Variants in COL4A3 observed in about 807,000 individuals in gnomAD.
COL4A3 encodes collagen type IV alpha 3 chain, also known as collagen alpha-3(IV) chain.
Under a neutral mutation model 217.4 loss-of-function variants are expected in COL4A3, and 135 were observed. The observed-to-expected ratio is 0.62, with a 90% CI of 0.54 to 0.72. The LOEUF is 0.72. Ranked by LOEUF, COL4A3 falls within the 30% of genes least tolerant of loss-of-function variation. The pLI is 0.00. For synonymous variants in COL4A3, 690 were observed against 736.3 expected, an observed-to-expected ratio of 0.94 and a Z score of 1.02; for missense variants, 1,868 against 2,119.9, an observed-to-expected ratio of 0.88 and a Z score of 2.33.
Position 227,307,929 on chromosome 2 carries a change from C to T in COL4A3, c.4462+10C>T. ...CACGGACAAGACCTTGGTAATGTCC[C>T]AGTCCCAGTTGCCAGTTGTGCTGTT... is the stretch of plus-strand genomic sequence containing the variant. On this transcript the variant is annotated intron_variant, in intron 48 of 51. Coordinates refer to ENST00000396578, the MANE Select transcript of COL4A3 (RefSeq NM_000091.5). 1 of 1,611,590 alleles carries T rather than the reference C, an allele frequency of 6.2e-7. No individual in the cohort carries two copies. Among genetic ancestry groups the T allele is most frequent in the Non-Finnish European group, 8.5e-7 (1 of 1,178,018 alleles).
At chr2:227,195,440 G>A (rs1021084607) in intron 1 of COL4A3, among the ~76,000 whole-genome samples, 1 of 152,078 alleles carries the variant, frequency 6.6e-6, no homozygotes, top group Non-Finnish European at 1.5e-5. Context: ...AACTCCTATA[G>A]ACTAGTGATG....
Position 227,264,069 on chromosome 2 carries a change from C to T in COL4A3, c.1315+125C>T, listed in dbSNP as rs2070749934. 2.9e-6 allele frequency: 3 copies of T among 1,038,784 alleles called. 1 individual carries two copies. The Middle Eastern group carries it at 7.6e-4, about 265-fold the overall frequency. The allele number at this position is 1,038,784 out of a possible 1,614,324, so 64.3% of individuals were successfully genotyped here. On this transcript the variant is annotated intron_variant, in intron 21 of 51. Coordinates refer to ENST00000396578, the MANE Select transcript of COL4A3 (RefSeq NM_000091.5). ...TGTGTGGTTTTTATGAGTTACCTTT[C>T]CAATGGTCTTCATTTCACTAACTGT...
chr2:227,209,778 G>A (rs747228423), intron 1 of COL4A3, among the ~76,000 whole-genome samples: 10 of 152,184 alleles, frequency 6.6e-5, no homozygotes, highest in African/African-American at 9.7e-5. Flanking sequence ...GGAGGCGGAG[G>A]TTGCAGTGAG....
intron 1 of COL4A3, among the ~76,000 whole-genome samples, chr2:227,174,742 A>G (rs930731495): frequency 2.0e-5 from 3 of 152,128 alleles, no homozygotes; most frequent in African/African-American, 7.2e-5. Flanking sequence ...CCTGACCCGA[A>G]GTGATCCGCT....
intron 25 of COL4A3, 150 bp from the exon 26 acceptor site, chr2:227,272,799 A>T: frequency 1.1e-6 from 1 of 874,500 alleles, no homozygotes; most frequent in Non-Finnish European, 1.9e-6. Flanking sequence ...CAGTGCTCTT[A>T]CTTTAGTAAT....
At chr2:227,179,684 T>A (rs2065807348) in intron 1 of COL4A3, among the ~76,000 whole-genome samples, 1 of 152,234 alleles carries the variant, frequency 6.6e-6, no homozygotes, top group Non-Finnish European at 1.5e-5. Context: ...CAGCAAATAC[T>A]TTTCCATATC....
intron 27 of COL4A3, 101 bp from the exon 28 acceptor site, chr2:227,277,338 AAACAATGTGC>A: frequency 2.7e-6 from 2 of 733,920 alleles, no homozygotes; most frequent in Non-Finnish European, 2.3e-6. Context: ...AAAAAAAAAA[AAACAATGTGC>A]AAAAGGGATA....
chr2:227,307,056 A>C (rs73993952), intron 47 of COL4A3, among the ~76,000 whole-genome samples: 8,781 of 152,250 alleles, frequency 0.058, 339 homozygotes, highest in African/African-American at 0.098. Context: ...CCTTGTCCAA[A>C]TCCATACTCC....
At chr2:227,193,684 C>T (rs2066329389) in intron 1 of COL4A3, among the ~76,000 whole-genome samples, 1 of 147,352 alleles carries the variant, frequency 6.8e-6, no homozygotes, top group African/African-American at 2.5e-5. Flanking sequence ...TGCACTCCAG[C>T]CTGGTGACAG....
At position 227,263,952 on chromosome 2, in the gene COL4A3, T is replaced by G; in HGVS notation, c.1315+8T>G. On this transcript the variant is annotated splice_region_variant and intron_variant, in intron 21 of 51. Transcript: ENST00000396578. ...GACCTCCAGGACCGCCAGGTAAAGA[T>G]GTGGAAGGGGACCCCTTTTGTGCAC... is the stretch of plus-strand genomic sequence containing the variant. 6.2e-7 allele frequency: 1 copy of G among 1,614,036 alleles called. No homozygotes were observed. The highest frequency in any genetic ancestry group is 8.5e-7 in the Non-Finnish European group (1 of 1,179,936).
chr2:227,213,683 C>A (rs2067410009), intron 1 of COL4A3, among the ~76,000 whole-genome samples: 1 of 152,002 alleles, frequency 6.6e-6, no homozygotes, highest in South Asian at 2.1e-4. Context: ...GTAGGCGGAT[C>A]ACAAGGTCAG....
At chr2:227,290,721 A>G in intron 36 of COL4A3, 26 bp from the exon 37 acceptor site, 1 of 1,609,908 alleles carries the variant, frequency 6.2e-7, no homozygotes, top group Non-Finnish European at 8.5e-7. Flanking sequence ...TATCTATTTT[A>G]CTCTATGTTT....
intron 23 of COL4A3, 97 bp from the exon 24 acceptor site, chr2:227,269,810 CCCA>C (rs1265445964): frequency 7.2e-6 from 7 of 977,452 alleles, no homozygotes; most frequent in Non-Finnish European, 6.4e-6. Flanking sequence ...TCTTTCTTTC[CCCA>C]CAAGGAAACA....
At chr2:227,286,086 G>A (rs1416727831) in intron 34 of COL4A3, among the ~76,000 whole-genome samples, 1 of 152,194 alleles carries the variant, frequency 6.6e-6, no homozygotes, top group African/African-American at 2.4e-5. Flanking sequence ...TAATAAAGAC[G>A]CGAGGTGCAA....
chr2:227,241,339 T>A (rs2069008733), intron 3 of COL4A3, among the ~76,000 whole-genome samples: 1 of 152,202 alleles, frequency 6.6e-6, no homozygotes, highest in Non-Finnish European at 1.5e-5. Flanking sequence ...TGATTATAAT[T>A]GATCTATACA....
chr2:227,232,853 A>C (rs927771709), intron 1 of COL4A3, among the ~76,000 whole-genome samples: 1 of 152,250 alleles, frequency 6.6e-6, no homozygotes, highest in Non-Finnish European at 1.5e-5. Flanking sequence ...TGTAAAAATA[A>C]GGTTGAAAGA....
At chr2:227,303,793 C>A in intron 44 of COL4A3, 66 bp from the exon 45 acceptor site, 1 of 1,476,050 alleles carries the variant, frequency 6.8e-7, no homozygotes, top group Non-Finnish European at 9.5e-7. Context: ...AGTCAATCAT[C>A]AACCTGAAGA....
chr2:227,291,156 T>G, intron 37 of COL4A3: 2 of 440,136 alleles, frequency 4.5e-6, no homozygotes, highest in South Asian at 4.3e-5. Context: ...AGGCAGTGAT[T>G]ACAGGCCCAT....
rs200398707 is a variant in COL4A3 at position 227,297,096 on chromosome 2, C to T, written c.3566-578C>T. Reference sequence around the variant, plus strand: ...TCCAAACCTCCTGCCACTAGTATTCCTATTATGGGGAATGTGTGGGGAAGT... The same window carrying T: ...TCCAAACCTCCTGCCACTAGTATTCTTATTATGGGGAATGTGTGGGGAAGT... On this transcript the variant is annotated intron_variant, in intron 41 of 51. Coordinates refer to ENST00000396578, the MANE Select transcript of COL4A3 (RefSeq NM_000091.5). Among the ~76,000 whole-genome samples the T allele has an allele frequency of 9.9e-5, 15 of 152,252 alleles. No individual in the cohort carries two copies. The East Asian group carries it at 2.9e-3, about 29-fold the overall frequency.
Sources: allele counts gnomAD v4.1 joint callset (sites outside exome capture counted in the v4.1 genomes callset), GRCh38; gene constraint gnomAD v4.1.1; transcripts MANE v1.5; gene names NCBI Gene and HGNC (gene_info 2026-07-23, HGNC 2026-07-21).